LRBA: variants seen among roughly 807,000 people sequenced by gnomAD.
LRBA encodes the protein LPS responsive beige-like anchor protein.
LRBA carries 176 observed loss-of-function variants against 330.0 expected under a neutral mutation model. That is an observed-to-expected ratio of 0.53 (90% CI 0.47 to 0.60). LRBA has a LOEUF of 0.60. Among genes scored for constraint, LRBA ranks in the 20% least tolerant of loss-of-function variants. LRBA has a pLI of 0.00. For synonymous variants in LRBA, 1,230 were observed against 1,193.0 expected (o/e 1.03, Z -0.64); for missense variants, 3,259 against 3,444.8 (o/e 0.95, Z 1.35).
chr4:150,485,412 T>C (rs907844631), intron 42 of LRBA, among the ~76,000 whole-genome samples: 1 of 152,016 alleles, frequency 6.6e-6, no homozygotes, highest in African/African-American at 2.4e-5. Flanking sequence ...GGTTGACTTA[T>C]GACTCCTTAA....
intron 36 of LRBA, among the ~76,000 whole-genome samples, chr4:150,703,977 G>A (rs1785366099): frequency 6.6e-6 from 1 of 152,076 alleles, no homozygotes; most frequent in African/African-American, 2.4e-5. Context: ...GGCCAAGGTG[G>A]GAAGATCACT....
chr4:150,952,232 T>C (rs1446535218), intron 2 of LRBA, among the ~76,000 whole-genome samples: 1 of 151,858 alleles, frequency 6.6e-6, no homozygotes, highest in East Asian at 1.9e-4. Flanking sequence ...AAAGCAGATA[T>C]GTACAAAATA....
intron 2 of LRBA, among the ~76,000 whole-genome samples, chr4:150,958,702 C>T (rs891602769): frequency 6.7e-6 from 1 of 148,962 alleles, no homozygotes; most frequent in Admixed American, 6.6e-5. Context: ...CCACCAGATA[C>T]CCTAAATAAC....
intron 40 of LRBA, among the ~76,000 whole-genome samples, chr4:150,556,212 C>CT (rs1767296070): frequency 6.6e-6 from 1 of 152,080 alleles, no homozygotes; most frequent in African/African-American, 2.4e-5. Flanking sequence ...TCTCCAATAG[C>CT]TTTTAATACA....
chr4:150,406,766 G>A (rs138680122), intron 47 of LRBA, among the ~76,000 whole-genome samples: 10 of 152,164 alleles, frequency 6.6e-5, no homozygotes, highest in Middle Eastern at 3.4e-3. Flanking sequence ...AAGGTTCTTT[G>A]CAATGTCATT....
chr4:150,827,985 C>A (rs1560875866), intron 30 of LRBA, among the ~76,000 whole-genome samples, 195 bp downstream of exon 30: 1 of 152,026 alleles, frequency 6.6e-6, no homozygotes, highest in Non-Finnish European at 1.5e-5. Context: ...ATATAACAAT[C>A]AAAATATGTG....
At chr4:150,772,177 T>C (rs939187275) in intron 34 of LRBA, among the ~76,000 whole-genome samples, 1 of 152,154 alleles carries the variant, frequency 6.6e-6, no homozygotes, top group East Asian at 1.9e-4. Flanking sequence ...CTGAGAAGAT[T>C]ATTCTTCACT....
intron 40 of LRBA, among the ~76,000 whole-genome samples, chr4:150,545,271 T>C (rs1270983872): frequency 6.6e-6 from 1 of 152,164 alleles, no homozygotes; most frequent in Non-Finnish European, 1.5e-5. Flanking sequence ...AATGTACTAG[T>C]TAAAATAAAT....
chr4:150,547,589 T>TA (rs1272970222), intron 40 of LRBA, among the ~76,000 whole-genome samples: 1 of 152,196 alleles, frequency 6.6e-6, no homozygotes, highest in Admixed American at 6.5e-5. Context: ...ACCATTTTTC[T>TA]AAAGCTTTAT....
intron 47 of LRBA, among the ~76,000 whole-genome samples, chr4:150,399,999 A>ATCAG (rs1365986808): frequency 7.2e-5 from 11 of 151,906 alleles, no homozygotes; most frequent in Non-Finnish European, 1.2e-4. Context: ...CAATCAATCA[A>ATCAG]TCAAGGCTTC....
rs1290784847 is a variant in LRBA at position 150,415,597 on chromosome 4, AAAAAT to A, written c.7042-12_7042-8del. On this transcript the variant is annotated splice_region_variant and splice_polypyrimidine_tract_variant and intron_variant, in intron 46 of 56. Coordinates refer to ENST00000651943, the MANE Select transcript of LRBA (RefSeq NM_001364905.1). ...AAAATTCAGGGATCAACTCCTATAT[AAAAAT>A]AAAAGACAATGTGATATTATAAACT... 5 of 1,514,606 alleles carry A rather than the reference AAAAAT, an allele frequency of 3.3e-6. No homozygotes were observed. The highest frequency in any genetic ancestry group is 3.7e-6 in the Non-Finnish European group (4 of 1,092,898). 93.8% of individuals were successfully genotyped at this position (1,514,606 alleles called of 1,614,324 possible). A position where few individuals can be genotyped will look rare whatever the true frequency, so the allele number is the denominator to read the frequency against.
chr4:150,911,392 T>C (rs1052681006), intron 9 of LRBA, among the ~76,000 whole-genome samples: 2 of 151,918 alleles, frequency 1.3e-5, no homozygotes, highest in African/African-American at 4.9e-5. Context: ...TTTTAGGTTT[T>C]TTTTAAATCA....
intron 37 of LRBA, among the ~76,000 whole-genome samples, chr4:150,674,334 A>C (rs953954547): frequency 6.6e-6 from 1 of 152,060 alleles, no homozygotes; most frequent in Admixed American, 6.5e-5. Context: ...CAGAATACAA[A>C]AAGTCAAACA....
chr4:150,654,763 G>A (rs978000279), intron 37 of LRBA, among the ~76,000 whole-genome samples: 10 of 151,952 alleles, frequency 6.6e-5, no homozygotes, highest in South Asian at 2.1e-4. Flanking sequence ...CTCATTGTTC[G>A]ATTCCCACCT....
chr4:150,690,417 C>T (rs1486882129), intron 36 of LRBA, among the ~76,000 whole-genome samples: 3 of 150,608 alleles, frequency 2.0e-5, no homozygotes, highest in Middle Eastern at 6.8e-3. Flanking sequence ...GCAGGAGAAA[C>T]GTTTGAACCA....
intron 40 of LRBA, among the ~76,000 whole-genome samples, chr4:150,548,361 T>C (rs949565564): frequency 5.3e-5 from 8 of 152,274 alleles, no homozygotes; most frequent in Admixed American, 1.3e-4. Flanking sequence ...CAGCTCATAC[T>C]CAGTTATTCT....
intron 37 of LRBA, among the ~76,000 whole-genome samples, chr4:150,601,596 G>A (rs1330149391): frequency 6.6e-6 from 1 of 152,108 alleles, no homozygotes; most frequent in African/African-American, 2.4e-5. Flanking sequence ...TCAGGGAACT[G>A]AGAATTTGTT....
At chr4:150,432,568 C>T (rs1750577532) in intron 46 of LRBA, among the ~76,000 whole-genome samples, 1 of 146,678 alleles carries the variant, frequency 6.8e-6, no homozygotes, top group South Asian at 2.2e-4. Context: ...CGCCATTCTC[C>T]TGCCTCAGCC....
At chr4:150,840,406 T>C (rs1447948773) in intron 28 of LRBA, 7 of 152,386 alleles carry the variant, frequency 4.6e-5, no homozygotes. Context: ...CATGCAACTT[T>C]TCCTTTCTCT....
Sources: gnomAD v4.1 joint callset for allele counts (sites outside exome capture counted in the v4.1 genomes callset) on GRCh38, gnomAD v4.1.1 for gene constraint, MANE v1.5 for transcripts, NCBI Gene and HGNC (gene_info 2026-07-23, HGNC 2026-07-21) for gene names.